The following LHX4 variants were observed in gnomAD, a reference collection of about 807,000 sequenced individuals.
LHX4 encodes the protein LIM/homeobox protein Lhx4.
A neutral mutation model predicts 39.2 loss-of-function variants in LHX4; 16 were observed. That is an observed-to-expected ratio of 0.41 (90% CI 0.28 to 0.62). The LOEUF is 0.62. Among genes scored for constraint, LHX4 ranks in the 20% least tolerant of loss-of-function variants. The probability of loss-of-function intolerance (pLI) is 0.33; values close to 1 mark genes in which losing one functional copy is unlikely to be tolerated. For missense variants in LHX4, 439 were observed against 511.9 expected, an observed-to-expected ratio of 0.86 and a Z score of 1.37; for synonymous variants, 206 against 198.1, an observed-to-expected ratio of 1.04 and a Z score of -0.33.
At chr1:180,267,346 C>T (rs1648361933) in intron 3 of LHX4, among the ~76,000 whole-genome samples, 1 of 152,278 alleles carries the variant, frequency 6.6e-6, no homozygotes, top group Non-Finnish European at 1.5e-5. Context: ...ATTTAGCAGC[C>T]ACGCCTGGAA....
chr1:180,230,469 G>A lies in LHX4; in HGVS notation c.-61G>A. On this transcript the variant is annotated 5_prime_UTR_variant, in exon 1 of 6. Transcript: ENST00000263726. This position sits in a 1 kb window ranked among gnomAD's most constrained non-coding sequence, Gnocchi z 5.8. ...ATTATTATTTTGAAATTTCTGAATC[G>A]AGCTAGAGCGAGAGAGCGAGAGATC... The A allele has an allele frequency of 7.2e-7, 1 of 1,391,048 alleles. No homozygotes were observed. Among genetic ancestry groups the A allele is most frequent in the Non-Finnish European group, 1.0e-6 (1 of 981,890 alleles). 86.2% of individuals were successfully genotyped at this position (1,391,048 alleles called of 1,614,324 possible). A position where few individuals can be genotyped will look rare whatever the true frequency, so the allele number is the denominator to read the frequency against.
intron 5 of LHX4, chr1:180,273,632 G>A (rs1349055735): frequency 6.5e-6 from 1 of 153,412 alleles, no homozygotes; most frequent in African/African-American, 2.4e-5. Context: ...CCCCAGTGAA[G>A]AGCTTATTGA....
intron 1 of LHX4, among the ~76,000 whole-genome samples, chr1:180,231,761 A>G (rs1441316911): frequency 2.0e-5 from 3 of 151,958 alleles, no homozygotes; most frequent in Non-Finnish European, 4.4e-5. Context: ...CGGCTCATCC[A>G]GGGATGGTGA....
chr1:180,246,031 G>T (rs76687849), intron 1 of LHX4, among the ~76,000 whole-genome samples: 4,223 of 152,190 alleles, frequency 0.028, 220 homozygotes, highest in African/African-American at 0.095. Context: ...AATCCTGTAT[G>T]TACTGGGACA....
In LHX4 at chr1:180,253,404, C is replaced by T. The variant is rs572648060; in HGVS notation, c.248+4948C>T. On this transcript the variant is annotated intron_variant, in intron 2 of 5. Coordinates refer to ENST00000263726, the MANE Select transcript of LHX4 (RefSeq NM_033343.4). ...GGAGCTGGGTTCAAGTGTTGCCTGT[C>T]GGCAGCCAGCTGGGTGCCCCTAGGC... Among the ~76,000 whole-genome samples the T allele has an allele frequency of 7.2e-5, 11 of 152,358 alleles. No individual in the cohort carries two copies. The South Asian group carries it at 1.7e-3, about 23-fold the overall frequency.
chr1:180,241,133 A>G (rs886983991), intron 1 of LHX4, among the ~76,000 whole-genome samples: 2 of 152,158 alleles, frequency 1.3e-5, no homozygotes, highest in African/African-American at 2.4e-5. Context: ...TGTGGCCTCA[A>G]CCTCCTCATT....
At chr1:180,243,730 T>C (rs1647267017) in intron 1 of LHX4, among the ~76,000 whole-genome samples, 1 of 152,126 alleles carries the variant, frequency 6.6e-6, no homozygotes, top group Non-Finnish European at 1.5e-5. Flanking sequence ...CCATCCCATA[T>C]GACACATGCA....
At chr1:180,254,076 C>G (rs151046165) in intron 2 of LHX4, among the ~76,000 whole-genome samples, 1 of 152,344 alleles carries the variant, frequency 6.6e-6, no homozygotes, top group Non-Finnish European at 1.5e-5. Context: ...GCAAAGCCTT[C>G]AAGGACAATC....
At chr1:180,229,890 G>A (rs1047459962), upstream of LHX4, among the ~76,000 whole-genome samples, 43 of 148,718 alleles carry the variant, frequency 2.9e-4, no homozygotes, top group Admixed American at 2.3e-3. Flanking sequence ...TGCTGCCGCG[G>A]CAGGCCATCA....
chr1:180,235,028 C>T (rs1450166888), intron 1 of LHX4, among the ~76,000 whole-genome samples: 1 of 152,222 alleles, frequency 6.6e-6, no homozygotes, highest in East Asian at 1.9e-4. Context: ...CGGGCGTGCT[C>T]TGGGTTTTGG....
chr1:180,256,245 G>A (rs1270585320), intron 2 of LHX4, among the ~76,000 whole-genome samples: 2 of 152,146 alleles, frequency 1.3e-5, no homozygotes, highest in Non-Finnish European at 2.9e-5. Flanking sequence ...ATCTGGTCAC[G>A]TTGTCCCCAT....
At position 180,234,483 on chromosome 1, in the gene LHX4, G is replaced by C. The variant is rs1664265558; in HGVS notation, c.76+3878G>C. The stretch of plus-strand genomic sequence containing the variant: ...GAGAAACCCGGGTAAGCGCGGCAGC[G>C]CCCCGCTTGGGACAGCGGATGGCTG... On this transcript the variant is annotated intron_variant, in intron 1 of 5. Transcript: ENST00000263726. This position sits in a 1 kb window ranked among gnomAD's most constrained non-coding sequence, Gnocchi z 4.8. Among the ~76,000 whole-genome samples, 1 of 152,078 alleles carries C rather than the reference G, an allele frequency of 6.6e-6. No individual in the cohort carries two copies. Among genetic ancestry groups the C allele is most frequent in the African/African-American group, 2.4e-5 (1 of 41,436 alleles).
chr1:180,231,733 T>G (rs774607121), intron 1 of LHX4, among the ~76,000 whole-genome samples: 5 of 152,046 alleles, frequency 3.3e-5, no homozygotes, highest in South Asian at 2.1e-4. Context: ...ATCTTCGGGG[T>G]TTACTTTAAG....
At position 180,271,980 on chromosome 1, in the gene LHX4, T is replaced by G. The variant is rs754828184; in HGVS notation, c.752T>G (p.Val251Gly). The G allele has an allele frequency of 6.2e-7, 1 of 1,611,818 alleles. No individual in the cohort carries two copies. Among genetic ancestry groups the G allele is most frequent in the Non-Finnish European group, 8.5e-7 (1 of 1,179,492 alleles). The change falls in exon 5 of 6, where the codon GTT becomes GGT. Residue 251 changes from valine (V) to glycine (G), a missense_variant. Transcript: ENST00000263726. ...EKESSAEDCG[V>G]SDSELSFRED... ...GAGAGCTCTGCAGAGGACTGTGGGG[T>G]TAGTGACAGTGAGCTGAGCTTCCGA...
At chr1:180,267,031 C>T (rs902601972) in intron 3 of LHX4, among the ~76,000 whole-genome samples, 1 of 152,082 alleles carries the variant, frequency 6.6e-6, no homozygotes, top group South Asian at 2.1e-4. Flanking sequence ...CAAAGGCCGT[C>T]GGTGAGAGCC....
intron 1 of LHX4, among the ~76,000 whole-genome samples, chr1:180,235,005 C>A (rs1388834211): frequency 1.3e-5 from 2 of 152,242 alleles, no homozygotes; most frequent in Non-Finnish European, 2.9e-5. Flanking sequence ...CCTGGGCACT[C>A]GCCCGGGAAT....
In LHX4 at chr1:180,275,675, T is replaced by A. The variant is rs1648984084; in HGVS notation, c.*1096T>A. On this transcript the variant is annotated 3_prime_UTR_variant, in exon 6 of 6. Transcript: ENST00000263726. ...TTTGGTCATTTCCAGGAACCAGCAA[T>A]TTTTTTTTGGCCTACCTTGGTTGGG... 1 of 151,576 alleles carries A rather than the reference T, an allele frequency of 6.6e-6. No homozygotes were observed. Among genetic ancestry groups the A allele is most frequent in the African/African-American group, 2.4e-5 (1 of 41,282 alleles). 9.4% of individuals were successfully genotyped at this position (151,576 alleles called of 1,614,324 possible).
At chr1:180,253,084 G>A (rs1022191134) in intron 2 of LHX4, among the ~76,000 whole-genome samples, 5 of 152,106 alleles carry the variant, frequency 3.3e-5, no homozygotes, top group Non-Finnish European at 4.4e-5. Flanking sequence ...GTTCAGTGGC[G>A]GCTTCAAACA....
rs1648901835 is a variant in LHX4, at chr1:180,274,442, C to A, written c.1036C>A (p.Gln346Lys). The A allele has an allele frequency of 1.2e-6, 2 of 1,614,106 alleles. No individual in the cohort carries two copies. The highest frequency in any genetic ancestry group is 2.2e-5 in the South Asian group (2 of 91,088). Residue 346 changes from glutamine (Q) to lysine (K), a missense_variant, in exon 6 of 6, where the codon CAG (glutamine) becomes AAG (lysine). Coordinates refer to ENST00000263726, the MANE Select transcript of LHX4 (RefSeq NM_033343.4). ...TTTGGGCATCATTGCGCATGCAGGG[C>A]AGGGAGTAAGCCAGACGCTGAGAGC... Reference protein sequence around the residue: ...SNLGIIAHAGQGVSQTLRAMA... With the variant: ...SNLGIIAHAGKGVSQTLRAMA...
Sources: gnomAD v4.1 joint callset for allele counts (sites outside exome capture counted in the v4.1 genomes callset) on GRCh38, gnomAD v4.1.1 for gene constraint, Gnocchi (gnomAD v3.1) non-coding constraint, MANE v1.5 for transcripts, NCBI Gene and HGNC (gene_info 2026-07-23, HGNC 2026-07-21) for gene names.